The following UBE2N variants were observed in gnomAD, a reference collection of about 807,000 sequenced individuals.
The protein encoded by UBE2N is ubiquitin conjugating enzyme E2 N.
For missense variants in UBE2N, 60 were observed against 192.1 expected (o/e 0.31, Z 4.07); for synonymous variants, 70 against 69.2 (o/e 1.01, Z -0.06).
intron 1 of UBE2N, among the ~76,000 whole-genome samples, chr12:93,431,556 T>C (rs1302025289): frequency 6.6e-6 from 1 of 152,186 alleles, no homozygotes; most frequent in Non-Finnish European, 1.5e-5. Flanking sequence ...GCACGTAACA[T>C]GCTTAGAACA....
intron 1 of UBE2N, among the ~76,000 whole-genome samples, chr12:93,435,488 A>T (rs924530961): frequency 2.0e-5 from 3 of 151,918 alleles, no homozygotes; most frequent in Admixed American, 6.6e-5. Flanking sequence ...TAAGAAAAAA[A>T]AAATGTTCAA....
chr12:93,433,775 A>G (rs545179685), intron 1 of UBE2N, among the ~76,000 whole-genome samples: 1 of 152,346 alleles, frequency 6.6e-6, no homozygotes, highest in African/African-American at 2.4e-5. Flanking sequence ...TCTATAGCAC[A>G]TATGCATCCA....
chr12:93,425,561 T>G (rs183514784), intron 1 of UBE2N, among the ~76,000 whole-genome samples: 1 of 152,198 alleles, frequency 6.6e-6, no homozygotes, highest in African/African-American at 2.4e-5. Context: ...CATTTCTTAC[T>G]GGTTAATGAA....
At chr12:93,429,148 T>C (rs1878678443) in intron 1 of UBE2N, among the ~76,000 whole-genome samples, 1 of 151,842 alleles carries the variant, frequency 6.6e-6, no homozygotes, top group Non-Finnish European at 1.5e-5. Flanking sequence ...TGCACGCCTG[T>C]AGTCCCAGCT....
intron 1 of UBE2N, among the ~76,000 whole-genome samples, chr12:93,416,403 TAAGTGAAG>T (rs752878273): frequency 5.3e-5 from 8 of 152,090 alleles, no homozygotes; most frequent in Non-Finnish European, 1.0e-4. Flanking sequence ...ATGATTTCTT[TAAGTGAAG>T]AAGTAAAGGG....
intron 1 of UBE2N, among the ~76,000 whole-genome samples, chr12:93,416,762 C>G (rs1408792322): frequency 6.6e-6 from 1 of 151,366 alleles, no homozygotes; most frequent in East Asian, 1.9e-4. Context: ...CACCTGTAAT[C>G]CCTGCACTTT....
chr12:93,407,300 T>G lies in UBE2N; in HGVS notation c.*2739A>C, dbSNP rs894872868. The G allele has an allele frequency of 6.6e-6, 1 of 152,234 alleles. No homozygotes were observed. Among genetic ancestry groups the G allele is most frequent in the Non-Finnish European group, 1.5e-5 (1 of 68,100 alleles). 9.4% of individuals were successfully genotyped at this position (152,234 alleles called of 1,614,324 possible). On this transcript the variant is annotated 3_prime_UTR_variant, in exon 4 of 4. Transcript: ENST00000318066. ...GTTACTTCTCTTTTCCATGACAGAG[T>G]TACAACTATTTGTCTGTCCCCCTTC...
intron 1 of UBE2N, among the ~76,000 whole-genome samples, chr12:93,417,269 G>C (rs1878247167): frequency 6.6e-6 from 1 of 152,192 alleles, no homozygotes. Context: ...ACTGGGTCTT[G>C]AAGAGCAAAC....
intron 1 of UBE2N, among the ~76,000 whole-genome samples, chr12:93,426,799 G>A (rs1878602482): frequency 6.6e-6 from 1 of 152,120 alleles, no homozygotes; most frequent in East Asian, 1.9e-4. Flanking sequence ...TAAGTCTGCA[G>A]ATAAGGGAGT....
chr12:93,429,372 C>A, intron 1 of UBE2N: 1 of 401,860 alleles, frequency 2.5e-6, no homozygotes, highest in South Asian at 1.9e-5. Context: ...AAAAAAAATT[C>A]TCGTTTAAAA....
intron 1 of UBE2N, among the ~76,000 whole-genome samples, chr12:93,418,302 T>C (rs979459157): frequency 6.6e-6 from 1 of 152,106 alleles, no homozygotes; most frequent in African/African-American, 2.4e-5. Context: ...AGTTCAAGGT[T>C]ACAGTTAGCT....
Position 93,408,638 on chromosome 12 carries a change from TG to T in UBE2N, c.*1400del, listed in dbSNP as rs1190863530. On this transcript the variant is annotated 3_prime_UTR_variant, in exon 4 of 4. Coordinates refer to ENST00000318066, the MANE Select transcript of UBE2N (RefSeq NM_003348.4). ...AGAGAGGTGGGAAAGAACAGTTTTGTGAGGGGAGGAATTCGTCAATAAAGAA... is the reference window on the plus strand; with the variant it reads ...AGAGAGGTGGGAAAGAACAGTTTTGTAGGGGAGGAATTCGTCAATAAAGAA... 6.6e-6 allele frequency: 1 copy of T among 152,114 alleles called. No individual in the cohort carries two copies. The highest frequency in any genetic ancestry group is 1.9e-4 in the East Asian group (1 of 5,194). 9.4% of individuals were successfully genotyped at this position (152,114 alleles called of 1,614,324 possible). A position where few individuals can be genotyped will look rare whatever the true frequency, so the allele number is the denominator to read the frequency against.
chr12:93,410,671 T>C, intron 3 of UBE2N, 63 bp downstream of exon 3: 1 of 1,599,220 alleles, frequency 6.3e-7, no homozygotes, highest in Non-Finnish European at 8.5e-7. Flanking sequence ...TTTAGAAAAG[T>C]TTAAGTGGTA....
intron 1 of UBE2N, among the ~76,000 whole-genome samples, chr12:93,416,876 A>AAAAAG (rs1878232448): frequency 1.3e-5 from 2 of 151,772 alleles, no homozygotes; most frequent in Admixed American, 1.3e-4. Flanking sequence ...AAAAAAAAAA[A>AAAAAG]AGTTGACAAA....
intron 1 of UBE2N, among the ~76,000 whole-genome samples, chr12:93,431,856 T>A (rs971712546): frequency 6.6e-6 from 1 of 152,194 alleles, no homozygotes; most frequent in Non-Finnish European, 1.5e-5. Flanking sequence ...CTTCCAGCTT[T>A]CATATCTGCT....
In UBE2N at chr12:93,406,958, C is replaced by CA. The variant is rs1463652449; in HGVS notation, c.*3080dup. On this transcript the variant is annotated 3_prime_UTR_variant, in exon 4 of 4. Transcript: ENST00000318066. ...GCGAAGTAGACTACAACAATCAAGT[C>CA]AAAAAACATAAAGCTCCTATCAACA... 2 of 152,156 alleles carry CA rather than the reference C, an allele frequency of 1.3e-5. No homozygotes were observed. Among genetic ancestry groups the CA allele is most frequent in the African/African-American group, 2.4e-5 (1 of 41,442 alleles). 9.4% of individuals were successfully genotyped at this position (152,156 alleles called of 1,614,324 possible). A position where few individuals can be genotyped will look rare whatever the true frequency, so the allele number is the denominator to read the frequency against.
intron 1 of UBE2N, among the ~76,000 whole-genome samples, chr12:93,426,858 G>A (rs1037311379): frequency 6.6e-6 from 1 of 152,096 alleles, no homozygotes; most frequent in Non-Finnish European, 1.5e-5. Flanking sequence ...CCTCTCATGG[G>A]TGCATCAGCA....
Position 93,405,949 on chromosome 12 carries a change from T to G in UBE2N, c.*4090A>C, listed in dbSNP as rs1877788832. The G allele has an allele frequency of 6.6e-6, 1 of 152,132 alleles. No individual in the cohort carries two copies. Among genetic ancestry groups the G allele is most frequent in the East Asian group, 1.9e-4 (1 of 5,194 alleles). The allele number at this position is 152,132 out of a possible 1,614,324, so 9.4% of individuals were successfully genotyped here. On this transcript the variant is annotated 3_prime_UTR_variant, in exon 4 of 4. Transcript: ENST00000318066. ...TTTGGCCAGCTTTTCTAGATAAGGTTGTATTGCTACTGCAACTAACAAAAA... is the reference window on the plus strand; with the variant it reads ...TTTGGCCAGCTTTTCTAGATAAGGTGGTATTGCTACTGCAACTAACAAAAA...
intron 1 of UBE2N, among the ~76,000 whole-genome samples, chr12:93,417,770 C>T (rs760491655): frequency 7.2e-5 from 11 of 152,070 alleles, no homozygotes; most frequent in Non-Finnish European, 1.3e-4. Context: ...CCTGTCACTA[C>T]ATCTTTAAGC....
Sources: gnomAD v4.1 joint callset for allele counts (sites outside exome capture counted in the v4.1 genomes callset) on GRCh38, gnomAD v4.1.1 for gene constraint, MANE v1.5 for transcripts, NCBI Gene and HGNC (gene_info 2026-07-23, HGNC 2026-07-21) for gene names.